Variants in OTUD7A observed in about 807,000 individuals in gnomAD.
OTUD7A encodes the protein OTU deubiquitinase 7A.
Under a neutral mutation model 65.7 loss-of-function variants are expected in OTUD7A, and 12 were observed. The observed-to-expected ratio is 0.18, with a 90% CI of 0.12 to 0.30. OTUD7A has a LOEUF of 0.30. Ranked by LOEUF, OTUD7A falls within the 10% of genes least tolerant of loss-of-function variation. The probability of loss-of-function intolerance (pLI) is 1.00; values close to 1 mark genes in which losing one functional copy is unlikely to be tolerated. For synonymous variants in OTUD7A, 641 were observed against 586.3 expected (o/e 1.09, Z -1.35); for missense variants, 1,148 against 1,304.8 (o/e 0.88, Z 1.85).
chr15:31,824,907 C>G (rs146274710), intron 1 of OTUD7A, among the ~76,000 whole-genome samples: 26 of 152,224 alleles, frequency 1.7e-4, no homozygotes, highest in African/African-American at 5.8e-4. Context: ...CTCATAGCAG[C>G]TAAGCTCTCT....
intron 4 of OTUD7A, among the ~76,000 whole-genome samples, chr15:31,563,462 C>A (rs1013092305): frequency 1.3e-5 from 2 of 152,222 alleles, no homozygotes; most frequent in African/African-American, 4.8e-5. Context: ...CTCACACACA[C>A]CTAGAAATCC....
In OTUD7A at chr15:31,527,034, C is replaced by A; in HGVS notation, c.780+147G>T. Reference sequence around the variant, plus strand: ...GGCTCCTCCTCTGTGGGCTTAAAAGCAGGAGACTTTCCTGATCCCAGGGGC... The same window carrying A: ...GGCTCCTCCTCTGTGGGCTTAAAAGAAGGAGACTTTCCTGATCCCAGGGGC... On this transcript the variant is annotated intron_variant, in intron 7 of 12. Coordinates refer to ENST00000307050, the MANE Select transcript of OTUD7A (RefSeq NM_001382637.1). 2.5e-6 allele frequency: 3 copies of A among 1,220,144 alleles called. No homozygotes were observed. The Admixed American group carries it at 7.0e-5, about 28-fold the overall frequency. 75.6% of individuals were successfully genotyped at this position (1,220,144 alleles called of 1,614,324 possible).
chr15:31,634,487 G>A (rs1891278576), intron 3 of OTUD7A, among the ~76,000 whole-genome samples: 1 of 152,158 alleles, frequency 6.6e-6, no homozygotes. Flanking sequence ...CACAGCACGT[G>A]CTCTGTGTTC....
chr15:31,813,300 T>C lies in OTUD7A; in HGVS notation c.-100+57207A>G, dbSNP rs144681656. Among the ~76,000 whole-genome samples the C allele has an allele frequency of 1.8e-4, 27 of 152,342 alleles. No individual in the cohort carries two copies. In the East Asian group the frequency reaches 4.6e-3, roughly 26 times the overall value. Reference sequence around the variant, plus strand: ...GTGTTCCACTCACTACCATCCAGCATTGTTAGGCTTCTGTACAGTAGAAAC... The same window carrying C: ...GTGTTCCACTCACTACCATCCAGCACTGTTAGGCTTCTGTACAGTAGAAAC... On this transcript the variant is annotated intron_variant, in intron 1 of 12. Transcript: ENST00000307050.
chr15:31,700,151 A>G, intron 1 of OTUD7A, among the ~76,000 whole-genome samples: 1 of 151,680 alleles, frequency 6.6e-6, no homozygotes, highest in Non-Finnish European at 1.5e-5. Context: ...ACATGGCACC[A>G]TCGTCCTTCA....
chr15:31,499,507 T>C (rs963485157), intron 10 of OTUD7A, among the ~76,000 whole-genome samples: 2 of 152,244 alleles, frequency 1.3e-5, no homozygotes, highest in Non-Finnish European at 2.9e-5. Flanking sequence ...GATTTCCACG[T>C]CCCTCTCTGC....
At chr15:31,867,840 TCAAGTATGTGCCCC>T (rs1326711335) in intron 1 of OTUD7A, among the ~76,000 whole-genome samples, 1 of 146,262 alleles carries the variant, frequency 6.8e-6, no homozygotes, top group African/African-American at 2.5e-5. Flanking sequence ...CTCTGGTCAT[TCAAGTATGTGCCCC>T]CAACCCTTCC....
intron 3 of OTUD7A, among the ~76,000 whole-genome samples, chr15:31,632,935 A>T (rs1180339537): frequency 6.6e-6 from 1 of 152,228 alleles, no homozygotes; most frequent in Non-Finnish European, 1.5e-5. Context: ...GATGCGGGAT[A>T]TAATCTCCTG....
At chr15:31,490,743 G>T (rs562533493) in intron 10 of OTUD7A, among the ~76,000 whole-genome samples, 2 of 152,184 alleles carry the variant, frequency 1.3e-5, no homozygotes, top group Non-Finnish European at 2.9e-5. Flanking sequence ...CCTCTCCACA[G>T]GACCTACCTG....
At chr15:31,786,074 C>A (rs1236660385) in intron 1 of OTUD7A, among the ~76,000 whole-genome samples, 1 of 152,054 alleles carries the variant, frequency 6.6e-6, no homozygotes, top group Non-Finnish European at 1.5e-5. Flanking sequence ...GAGACCTGAG[C>A]CAGCACGCTC....
intron 1 of OTUD7A, among the ~76,000 whole-genome samples, chr15:31,793,281 T>C (rs1378595114): frequency 1.3e-5 from 2 of 152,196 alleles, no homozygotes; most frequent in African/African-American, 4.8e-5. Flanking sequence ...TGGTAGTAAC[T>C]GATGCCCTCC....
At chr15:31,506,760 G>A (rs2041576879) in intron 8 of OTUD7A, among the ~76,000 whole-genome samples, 1 of 152,128 alleles carries the variant, frequency 6.6e-6, no homozygotes, top group East Asian at 1.9e-4. Flanking sequence ...GTGTAAGTTT[G>A]GCATTTAGAA....
intron 3 of OTUD7A, among the ~76,000 whole-genome samples, chr15:31,610,957 G>T (rs1273516182): frequency 6.6e-6 from 1 of 151,772 alleles, no homozygotes; most frequent in Admixed American, 6.6e-5. Flanking sequence ...TAAGCACTCT[G>T]TCAGACCACC....
At chr15:31,598,099 T>C (rs2141207205) in intron 3 of OTUD7A, among the ~76,000 whole-genome samples, 1 of 152,220 alleles carries the variant, frequency 6.6e-6, no homozygotes, top group African/African-American at 2.4e-5. Context: ...ATGTTGCCCC[T>C]AGGTTAGGGG....
chr15:31,834,431 A>G (rs1032293104), intron 1 of OTUD7A, among the ~76,000 whole-genome samples: 2 of 152,234 alleles, frequency 1.3e-5, no homozygotes, highest in African/African-American at 4.8e-5. Context: ...TTAATCAATC[A>G]TGTTTATTTA....
At chr15:31,797,056 C>T (rs773568615) in intron 1 of OTUD7A, among the ~76,000 whole-genome samples, 1 of 152,182 alleles carries the variant, frequency 6.6e-6, no homozygotes, top group Non-Finnish European at 1.5e-5. Context: ...CTTGCACTTG[C>T]ACAAGCATGG....
chr15:31,504,645 G>GAGTTGTT (rs2041531060), intron 8 of OTUD7A, among the ~76,000 whole-genome samples: 2 of 152,102 alleles, frequency 1.3e-5, no homozygotes, highest in Non-Finnish European at 2.9e-5. Context: ...CCCAGAGGTG[G>GAGTTGTT]CTCTCAGACT....
chr15:31,762,534 G>A (rs1167788169), intron 1 of OTUD7A, among the ~76,000 whole-genome samples: 2 of 152,258 alleles, frequency 1.3e-5, no homozygotes, highest in East Asian at 3.8e-4. Flanking sequence ...TCTGAGCTGT[G>A]CATGCACGAA....
chr15:31,483,914 G>C lies in OTUD7A; in HGVS notation c.2182C>G (p.Leu728Val). The C allele has an allele frequency of 1.9e-6, 2 of 1,064,090 alleles. No individual in the cohort carries two copies. Among genetic ancestry groups the C allele is most frequent in the Non-Finnish European group, 2.3e-6 (2 of 877,680 alleles). The allele number at this position is 1,064,090 out of a possible 1,614,324, so 65.9% of individuals were successfully genotyped here. A position where few individuals can be genotyped will look rare whatever the true frequency, so the allele number is the denominator to read the frequency against. ...PGPPTQLVLK[L>V]KERPSPGPAA... Reference sequence around the variant, plus strand: ...GGCCCGGGGCTCGGCCGCTCCTTGAGCTTGAGCACCAGCTGCGTGGGTGGG... The same window carrying C: ...GGCCCGGGGCTCGGCCGCTCCTTGACCTTGAGCACCAGCTGCGTGGGTGGG... Residue 728 changes from leucine (L) to valine (V), a missense_variant, in exon 13 of 13, where the codon CTC becomes GTC. Leu to Val is a conservative substitution (Grantham distance 32). Around this residue, in one of 6 missense-constraint regions of OTUD7A, gnomAD observed 842 missense variants for 769.5 expected, o/e 1.09. Transcript: ENST00000307050.
Sources: gnomAD v4.1 joint callset for allele counts (sites outside exome capture counted in the v4.1 genomes callset) on GRCh38, gnomAD v4.1.1 for gene constraint, gnomAD v4.1.1 regional missense constraint, MANE v1.5 for transcripts, NCBI Gene and HGNC (gene_info 2026-07-23, HGNC 2026-07-21) for gene names.